Variants in SCD5 observed in about 807,000 individuals in gnomAD.
SCD5 encodes the protein stearoyl-CoA desaturase 5.
SCD5 carries 20 observed loss-of-function variants against 30.4 expected under a neutral mutation model. The observed-to-expected ratio is 0.66, with a 90% CI of 0.46 to 0.96. The LOEUF (loss-of-function observed/expected upper bound fraction) is 0.96. Ranked by LOEUF, SCD5 falls within the 40% of genes least tolerant of loss-of-function variation. The probability of loss-of-function intolerance (pLI) is 0.00; values close to 1 mark genes in which losing one functional copy is unlikely to be tolerated. For missense variants in SCD5, 381 were observed against 443.3 expected, an observed-to-expected ratio of 0.86 and a Z score of 1.26; for synonymous variants, 173 against 176.4, an observed-to-expected ratio of 0.98 and a Z score of 0.16.
At chr4:82,647,820 C>A (rs951843030) in intron 3 of SCD5, among the ~76,000 whole-genome samples, 1 of 152,138 alleles carries the variant, frequency 6.6e-6, no homozygotes, top group East Asian at 1.9e-4. Flanking sequence ...TGTTCAATTA[C>A]CCGGACTTTT....
At chr4:82,719,303 C>T (rs1035176455) in intron 1 of SCD5, among the ~76,000 whole-genome samples, 3 of 151,378 alleles carry the variant, frequency 2.0e-5, no homozygotes, top group Admixed American at 6.6e-5. Context: ...CTGAATCAAC[C>T]CTCTTCATTT....
chr4:82,758,927 T>A (rs936455287), intron 1 of SCD5, among the ~76,000 whole-genome samples: 1 of 151,832 alleles, frequency 6.6e-6, no homozygotes, highest in Non-Finnish European at 1.5e-5. Flanking sequence ...CCTACAATCC[T>A]GCGAAACAAC....
intron 1 of SCD5, among the ~76,000 whole-genome samples, chr4:82,761,339 T>C (rs1396244585): frequency 1.3e-5 from 2 of 152,212 alleles, no homozygotes; most frequent in African/African-American, 4.8e-5. Context: ...TAGTCCAATA[T>C]GTTCTGTCCT....
At chr4:82,668,815 G>A (rs1350775218) in intron 3 of SCD5, among the ~76,000 whole-genome samples, 2 of 152,162 alleles carry the variant, frequency 1.3e-5, no homozygotes, top group East Asian at 1.9e-4. Context: ...GTACTTAAAA[G>A]CCCCTGTCTC....
chr4:82,781,460 T>G (rs9784451), intron 1 of SCD5, among the ~76,000 whole-genome samples: 1,647 of 151,834 alleles, frequency 0.011, 28 homozygotes, highest in African/African-American at 0.033. Flanking sequence ...AAAGTACATC[T>G]CCTTTCCAAG....
chr4:82,747,618 C>T (rs1721022820), intron 1 of SCD5, among the ~76,000 whole-genome samples: 1 of 152,232 alleles, frequency 6.6e-6, no homozygotes, highest in African/African-American at 2.4e-5. Flanking sequence ...GGCTGGCACA[C>T]AGTAAGTGAT....
At chr4:82,732,464 C>T (rs374985433) in intron 1 of SCD5, among the ~76,000 whole-genome samples, 2 of 152,352 alleles carry the variant, frequency 1.3e-5, no homozygotes, top group South Asian at 4.1e-4. Context: ...GTGCATACTA[C>T]GCATTCAACA....
chr4:82,717,642 G>A (rs1358193360), intron 1 of SCD5, among the ~76,000 whole-genome samples: 1 of 151,784 alleles, frequency 6.6e-6, no homozygotes, highest in Non-Finnish European at 1.5e-5. Context: ...TTGGCCTGGT[G>A]CAGTGGCTCA....
At chr4:82,774,793 G>C (rs1721708929) in intron 1 of SCD5, among the ~76,000 whole-genome samples, 1 of 152,144 alleles carries the variant, frequency 6.6e-6, no homozygotes, top group Non-Finnish European at 1.5e-5. Context: ...CACCCACTCT[G>C]TCTTCCCAGG....
chr4:82,679,223 A>G (rs1578017628), intron 3 of SCD5, among the ~76,000 whole-genome samples: 1 of 25,944 alleles, frequency 3.9e-5, no homozygotes, highest in African/African-American at 1.5e-4. Context: ...AAGAAAGAAA[A>G]GAAAGAAAGA....
intron 1 of SCD5, among the ~76,000 whole-genome samples, chr4:82,712,291 TATATATTTTATTTTTATTTTA>T (rs1720123162): frequency 2.1e-5 from 1 of 46,952 alleles, no homozygotes; most frequent in Admixed American, 2.3e-4. Context: ...TATATATATA[TATATATTTTATTTTTATTTTA>T]TTTTTTTTTT....
intron 3 of SCD5, among the ~76,000 whole-genome samples, chr4:82,650,855 T>C: frequency 6.6e-6 from 1 of 151,726 alleles, no homozygotes; most frequent in Non-Finnish European, 1.5e-5. Context: ...ACATATAAAA[T>C]ATATGCATAT....
intron 1 of SCD5, among the ~76,000 whole-genome samples, chr4:82,729,617 C>A (rs776107499): frequency 8.8e-6 from 1 of 114,258 alleles, no homozygotes; most frequent in Non-Finnish European, 1.7e-5. Flanking sequence ...TTAAACATAT[C>A]TTCTTGAACA....
At position 82,665,045 on chromosome 4, in the gene SCD5, C is replaced by CAT. The variant is rs111837000; in HGVS notation, c.569+15660_569+15661dup. Among the ~76,000 whole-genome samples the CAT allele has an allele frequency of 6.8e-3, 808 of 117,968 alleles. 44 individuals are homozygous for CAT. The highest frequency in any genetic ancestry group is 0.026 in the African/African-American group (672 of 25,654). The allele number at this position is 117,968 out of a possible 152,430, so 77.4% of individuals were successfully genotyped here. On this transcript the variant is annotated intron_variant, in intron 3 of 4. Coordinates refer to ENST00000319540, the MANE Select transcript of SCD5 (RefSeq NM_001037582.3). ...TGTATAATACACACACACACACACA[C>CAT]ATATATACACACACACATATATATA...
At chr4:82,740,400 G>T (rs571913464) in intron 1 of SCD5, among the ~76,000 whole-genome samples, 1 of 152,308 alleles carries the variant, frequency 6.6e-6, no homozygotes, top group South Asian at 2.1e-4. Context: ...AGGTGGACGG[G>T]GAGGATCTCA....
intron 1 of SCD5, among the ~76,000 whole-genome samples, chr4:82,779,475 A>C (rs1304264233): frequency 2.0e-5 from 3 of 152,226 alleles, no homozygotes; most frequent in Non-Finnish European, 4.4e-5. Flanking sequence ...AGGAAATAGT[A>C]AATTTGTGTT....
chr4:82,704,381 T>C (rs1156753614), intron 2 of SCD5, among the ~76,000 whole-genome samples: 1 of 152,146 alleles, frequency 6.6e-6, no homozygotes, highest in Non-Finnish European at 1.5e-5. Flanking sequence ...TCTACACTCA[T>C]AATGTGGGCA....
intron 1 of SCD5, among the ~76,000 whole-genome samples, chr4:82,723,077 C>CAAAA (rs59796077): frequency 3.3e-5 from 3 of 89,958 alleles, no homozygotes; most frequent in Admixed American, 1.3e-4. Context: ...AACTCTGTCT[C>CAAAA]AAAAAAAAAA....
intron 1 of SCD5, among the ~76,000 whole-genome samples, chr4:82,739,867 T>C (rs1720836742): frequency 6.6e-6 from 1 of 152,208 alleles, no homozygotes; most frequent in Non-Finnish European, 1.5e-5. Flanking sequence ...AATTCTTCCA[T>C]GGACTTGATG....
Sources: gnomAD v4.1 joint callset for allele counts (sites outside exome capture counted in the v4.1 genomes callset) on GRCh38, gnomAD v4.1.1 for gene constraint, MANE v1.5 for transcripts, NCBI Gene and HGNC (gene_info 2026-07-23, HGNC 2026-07-21) for gene names.